TTC13: variants seen among roughly 807,000 people sequenced by gnomAD.
The protein encoded by TTC13 is tetratricopeptide repeat protein 13.
A neutral mutation model predicts 120.0 loss-of-function variants in TTC13; 62 were observed. The ratio of observed to expected loss-of-function variants is 0.52; its 90% CI spans 0.42 to 0.64. The LOEUF (loss-of-function observed/expected upper bound fraction) is 0.64. Among genes scored for constraint, TTC13 ranks in the 30% least tolerant of loss-of-function variants. The pLI is 0.00. For missense variants in TTC13, 824 were observed against 1,050.2 expected, an observed-to-expected ratio of 0.78 and a Z score of 2.98; for synonymous variants, 384 against 393.5, an observed-to-expected ratio of 0.98 and a Z score of 0.28.
chr1:230,926,369 T>C (rs1164368066), intron 12 of TTC13, among the ~76,000 whole-genome samples: 1 of 152,134 alleles, frequency 6.6e-6, no homozygotes, highest in Non-Finnish European at 1.5e-5. Flanking sequence ...TCCCAGCGAT[T>C]AGTTGCGAAC....
chr1:230,909,790 C>T (rs1371564703), intron 20 of TTC13, among the ~76,000 whole-genome samples: 1 of 152,122 alleles, frequency 6.6e-6, no homozygotes, highest in East Asian at 1.9e-4. Context: ...CTGTTAGAGG[C>T]CAGGGGATTG....
At chr1:230,967,403 A>AT (rs66487730) in intron 1 of TTC13, among the ~76,000 whole-genome samples, 35,211 of 149,486 alleles carry the variant, frequency 0.24, 5,330 homozygotes, top group Non-Finnish European at 0.35. Flanking sequence ...TTCCTATTCT[A>AT]TTTTTTTTTT....
chr1:230,975,876 G>A (rs913213011), intron 1 of TTC13, among the ~76,000 whole-genome samples: 4 of 152,176 alleles, frequency 2.6e-5, no homozygotes, highest in African/African-American at 9.7e-5. Flanking sequence ...TGTGACGGTG[G>A]TGTGCATAGC....
At chr1:230,943,978 T>C in intron 5 of TTC13, 80 bp from the exon 6 acceptor site, 1 of 861,068 alleles carries the variant, frequency 1.2e-6, no homozygotes, top group Non-Finnish European at 1.8e-6. Flanking sequence ...AAACTAATAA[T>C]TTAGTAATGA....
At chr1:230,959,365 C>G (rs927762636) in intron 2 of TTC13, among the ~76,000 whole-genome samples, 2 of 151,392 alleles carry the variant, frequency 1.3e-5, no homozygotes, top group Admixed American at 1.3e-4. Context: ...AGGAGAAGTA[C>G]AGTACAAACA....
intron 1 of TTC13, among the ~76,000 whole-genome samples, chr1:230,971,530 C>T (rs927696926): frequency 2.6e-5 from 4 of 151,992 alleles, no homozygotes; most frequent in African/African-American, 7.3e-5. Context: ...GATGTATTAT[C>T]GTAAAGCAAA....
In TTC13 at chr1:230,911,535, G is replaced by A. The variant is rs1283768658; in HGVS notation, c.2244C>T (p.Val748=). The stretch of plus-strand genomic sequence containing the variant: ...AAACTAAGGATAAGATTAAGTTGCA[G>A]ACAGCATCAGCCTCCTAGAAAAAAA... ...LSSEFGEADA[V]CNLILSLVYY... The change falls in exon 20 of 23, where the codon GTC becomes GTT. Residue 748 remains valine, a synonymous_variant. Coordinates refer to ENST00000366661, the MANE Select transcript of TTC13 (RefSeq NM_024525.5). 1 of 1,592,962 alleles carries A rather than the reference G, an allele frequency of 6.3e-7. No homozygotes were observed. Among genetic ancestry groups the A allele is most frequent in the East Asian group, 2.3e-5 (1 of 44,020 alleles).
intron 20 of TTC13, among the ~76,000 whole-genome samples, chr1:230,910,915 A>G (rs1671437344): frequency 6.6e-6 from 1 of 152,140 alleles, no homozygotes; most frequent in South Asian, 2.1e-4. Flanking sequence ...GCAAAAGGCC[A>G]TTTACATAAT....
At chr1:230,930,195 G>T (rs1199305969) in intron 11 of TTC13, among the ~76,000 whole-genome samples, 2 of 152,126 alleles carry the variant, frequency 1.3e-5, no homozygotes, top group East Asian at 3.8e-4. Context: ...CTATACATCA[G>T]ATTTCAAAGA....
intron 17 of TTC13, among the ~76,000 whole-genome samples, chr1:230,919,326 G>A (rs1006821324): frequency 2.6e-5 from 4 of 151,918 alleles, no homozygotes; most frequent in East Asian, 1.9e-4. Context: ...AGGTGCCAGC[G>A]TCTGATGTGA....
In TTC13 at chr1:230,906,464, T is replaced by A. The variant is rs1160670304; in HGVS notation, c.*441A>T. ...AAAACAAAGGACCCACACATGGAGG[T>A]TACGTGAGTCAACAAAAGATGCTCT... On this transcript the variant is annotated 3_prime_UTR_variant, in exon 23 of 23. Coordinates refer to ENST00000366661, the MANE Select transcript of TTC13 (RefSeq NM_024525.5). 1 of 152,278 alleles carries A rather than the reference T, an allele frequency of 6.6e-6. No individual in the cohort carries two copies. Among genetic ancestry groups the A allele is most frequent in the Non-Finnish European group, 1.5e-5 (1 of 68,164 alleles). The allele number at this position is 152,278 out of a possible 1,614,324, so 9.4% of individuals were successfully genotyped here.
Position 230,922,453 on chromosome 1 carries a change from C to T in TTC13, c.1815-949G>A, listed in dbSNP as rs150471971. ...CCAATGTGCAAATCTGTTCCTGTTACTTCTCTGCTTATAATCCCTGAATGG... is the reference window on the plus strand; with the variant it reads ...CCAATGTGCAAATCTGTTCCTGTTATTTCTCTGCTTATAATCCCTGAATGG... On this transcript the variant is annotated intron_variant, in intron 15 of 22. Coordinates refer to ENST00000366661, the MANE Select transcript of TTC13 (RefSeq NM_024525.5). Among the ~76,000 whole-genome samples the T allele has an allele frequency of 2.0e-4, 31 of 152,308 alleles. No homozygotes were observed. The East Asian group carries it at 5.4e-3, about 27-fold the overall frequency.
At chr1:230,963,686 T>A (rs1676864673) in intron 1 of TTC13, among the ~76,000 whole-genome samples, 1 of 143,922 alleles carries the variant, frequency 6.9e-6, no homozygotes, top group Non-Finnish European at 1.5e-5. Flanking sequence ...GAAAAAAGAA[T>A]GGATGGATTT....
chr1:230,946,812 T>C (rs1166098512), intron 4 of TTC13, among the ~76,000 whole-genome samples: 1 of 152,152 alleles, frequency 6.6e-6, no homozygotes, highest in Non-Finnish European at 1.5e-5. Context: ...CCTACAAAGT[T>C]CTGGATTTAT....
intron 17 of TTC13, among the ~76,000 whole-genome samples, chr1:230,919,223 C>T (rs1366856643): frequency 6.6e-6 from 1 of 151,542 alleles, no homozygotes. Flanking sequence ...TGGGGTCTCA[C>T]TCATCACCCA....
intron 8 of TTC13, among the ~76,000 whole-genome samples, chr1:230,938,748 A>T (rs1230265799): frequency 6.6e-6 from 1 of 152,172 alleles, no homozygotes. Context: ...TAAATTACAG[A>T]TTTGGTCTCA....
At chr1:230,943,286 A>T (rs1478268022) in intron 6 of TTC13, among the ~76,000 whole-genome samples, 1 of 151,942 alleles carries the variant, frequency 6.6e-6, no homozygotes, top group Non-Finnish European at 1.5e-5. Context: ...TTTAGGGTAC[A>T]TGTGCACAAT....
At chr1:230,919,534 G>A (rs1248975779) in intron 17 of TTC13, among the ~76,000 whole-genome samples, 7 of 152,270 alleles carry the variant, frequency 4.6e-5, no homozygotes, top group East Asian at 1.9e-4. Context: ...ACATTCAAAC[G>A]ATGGCATTTA....
chr1:230,968,650 G>C (rs371393826), intron 1 of TTC13, among the ~76,000 whole-genome samples: 1 of 152,094 alleles, frequency 6.6e-6, no homozygotes. Flanking sequence ...TGAAATAGAG[G>C]GTCACGGTCT....
Sources: gnomAD v4.1 joint callset for allele counts (sites outside exome capture counted in the v4.1 genomes callset) on GRCh38, gnomAD v4.1.1 for gene constraint, MANE v1.5 for transcripts, NCBI Gene and HGNC (gene_info 2026-07-23, HGNC 2026-07-21) for gene names.